The following KANK1 variants were observed in gnomAD, a reference collection of about 807,000 sequenced individuals.
KANK1 encodes KN motif and ankyrin repeat domains 1.
In KANK1, 109 loss-of-function variants were observed where a neutral mutation model predicts 106.2. The ratio of observed to expected loss-of-function variants is 1.03; its 90% CI spans 0.88 to 1.20. The LOEUF (loss-of-function observed/expected upper bound fraction) is 1.20. Ranked by LOEUF, KANK1 falls within the 50% of genes most tolerant of loss-of-function variation. KANK1 has a pLI of 0.00. For missense variants in KANK1, 2,399 were observed against 1,710.7 expected (o/e 1.40, Z -7.10); for synonymous variants, 873 against 652.2 (o/e 1.34, Z -5.16).
chr9:564,138 C>G (rs972231933), intron 1 of KANK1, among the ~76,000 whole-genome samples: 1 of 151,570 alleles, frequency 6.6e-6, no homozygotes, highest in African/African-American at 2.4e-5. Context: ...CGGCTCACTG[C>G]AAGCTCCGCC....
At chr9:661,366 C>T (rs537501806) in intron 1 of KANK1, among the ~76,000 whole-genome samples, 2 of 151,896 alleles carry the variant, frequency 1.3e-5, no homozygotes, top group East Asian at 1.9e-4. Context: ...TGAGTGAGAA[C>T]ATGCAGTGTC....
chr9:723,088 T>C (rs1829778739), intron 3 of KANK1, among the ~76,000 whole-genome samples: 1 of 152,106 alleles, frequency 6.6e-6, no homozygotes, highest in Non-Finnish European at 1.5e-5. Context: ...TCCAGACCTG[T>C]AGGATGATCT....
At chr9:492,703 T>A (rs1259994601) in intron 3 of KANK1, among the ~76,000 whole-genome samples, 1 of 152,120 alleles carries the variant, frequency 6.6e-6, no homozygotes, top group African/African-American at 2.4e-5. Flanking sequence ...AACCAAAACA[T>A]GCTTTTGAGA....
intron 1 of KANK1, among the ~76,000 whole-genome samples, chr9:624,350 A>G (rs1026251666): frequency 2.6e-5 from 4 of 152,184 alleles, no homozygotes; most frequent in Non-Finnish European, 5.9e-5. Flanking sequence ...ACTATGTGTG[A>G]TGACAGATGT....
At position 711,775 on chromosome 9, in the gene KANK1, C is replaced by G; in HGVS notation, c.1009C>G (p.Arg337Gly). 6.2e-7 allele frequency: 1 copy of G among 1,614,184 alleles called. No homozygotes were observed. Among genetic ancestry groups the G allele is most frequent in the Non-Finnish European group, 8.5e-7 (1 of 1,180,026 alleles). Residue 337 changes from arginine (R) to glycine (G), a missense_variant, in exon 3 of 12, where the codon CGG becomes GGG. Physicochemically the swap from Arg to Gly is moderately radical, Grantham distance 125. Coordinates refer to ENST00000382297, the MANE Select transcript of KANK1 (RefSeq NM_015158.5). ...CGCCTCCCAGCTGGAACAGCTCTCC[C>G]GGGCCCGAAGAAGTGGCGGGGAATT... ...GNASQLEQLS[R>G]ARRSGGELYI...
At position 742,273 on chromosome 9, in the gene KANK1, C is replaced by G; in HGVS notation, c.3765C>G (p.Ala1255=). 1 of 1,614,212 alleles carries G rather than the reference C, an allele frequency of 6.2e-7. No individual in the cohort carries two copies. The highest frequency in any genetic ancestry group is 1.3e-5 in the African/African-American group (1 of 75,060). Residue 1255 remains alanine, a synonymous_variant, in exon 10 of 12, where the codon GCC becomes GCG. Transcript: ENST00000382297. ...TAGACATGGTGAAGGGCCTTCTGGC[C>G]TGTGGGGCTGATGTCAACATCCAGG... ...GRIDMVKGLL[A]CGADVNIQDD... is the part of the protein sequence containing the mutation.
chr9:710,061 G>A (rs1417597073), intron 2 of KANK1, among the ~76,000 whole-genome samples: 1 of 152,138 alleles, frequency 6.6e-6, no homozygotes, highest in Admixed American at 6.5e-5. Context: ...ACAAAAGTGG[G>A]GAAAGAGGGG....
chr9:715,219 A>G (rs1223511311), intron 3 of KANK1, among the ~76,000 whole-genome samples: 2 of 152,200 alleles, frequency 1.3e-5, no homozygotes, highest in Admixed American at 1.3e-4. Flanking sequence ...ATAAACATAC[A>G]GGGAAGTCAT....
intron 1 of KANK1, among the ~76,000 whole-genome samples, chr9:580,968 G>T (rs1163275662): frequency 6.6e-6 from 1 of 152,326 alleles, no homozygotes; most frequent in East Asian, 1.9e-4. Context: ...CTGGCAGGCT[G>T]ACACTGCTAG....
intron 2 of KANK1, chr9:707,166 C>A: frequency 1.0e-6 from 1 of 985,610 alleles, no homozygotes; most frequent in Non-Finnish European, 1.2e-6. Context: ...GGATCGAGGG[C>A]GCCCGAGGCC....
At chr9:710,372 C>T (rs1825606408) in intron 2 of KANK1, among the ~76,000 whole-genome samples, 1 of 152,056 alleles carries the variant, frequency 6.6e-6, no homozygotes, top group Non-Finnish European at 1.5e-5. Context: ...AATCCCAGCA[C>T]TTTGGGAGGC....
At chr9:705,600 G>T (rs558763758) in intron 2 of KANK1, among the ~76,000 whole-genome samples, 32 of 151,344 alleles carry the variant, frequency 2.1e-4, no homozygotes, top group South Asian at 1.5e-3. Context: ...TATTTTTTTT[G>T]GGGGGGTGGG....
chr9:581,676 C>T (rs574009176), intron 1 of KANK1, among the ~76,000 whole-genome samples: 24 of 152,238 alleles, frequency 1.6e-4, no homozygotes, highest in African/African-American at 4.8e-4. Context: ...AGATTCACCT[C>T]GATTATTCTT....
chr9:618,928 A>G (rs1012541204), intron 1 of KANK1, among the ~76,000 whole-genome samples: 6 of 152,338 alleles, frequency 3.9e-5, no homozygotes, highest in South Asian at 4.1e-4. Context: ...AAGAAGAAAA[A>G]TAGAAAATTA....
chr9:481,374 G>C lies in KANK1; in HGVS notation c.-362+8101G>C, dbSNP rs55683628. 6.4e-3 allele frequency among the ~76,000 whole-genome samples: 971 copies of C among 152,252 alleles called. 14 individuals carry two copies. Among genetic ancestry groups the C allele is most frequent in the African/African-American group, 0.022 (926 of 41,562 alleles). On this transcript the variant is annotated intron_variant, in intron 3 of 15. Coordinates refer to the KANK1 transcript ENST00000382303. The stretch of plus-strand genomic sequence containing the variant: ...GAAGGACGTGGCCTATGGATCAAGA[G>C]GATATTTGCCGCTCCTGGACTAGCA...
intron 1 of KANK1, among the ~76,000 whole-genome samples, chr9:670,796 C>G (rs911932903): frequency 6.6e-6 from 1 of 151,998 alleles, no homozygotes; most frequent in Non-Finnish European, 1.5e-5. Context: ...GCCAAAGAAG[C>G]CAAGATGGTA....
intron 1 of KANK1, among the ~76,000 whole-genome samples, chr9:668,905 G>T (rs976000964): frequency 1.3e-5 from 2 of 151,938 alleles, no homozygotes; most frequent in African/African-American, 4.8e-5. Flanking sequence ...TTCACAATAG[G>T]GTTTGCACTC....
intron 1 of KANK1, among the ~76,000 whole-genome samples, chr9:666,234 A>G (rs1844539898): frequency 1.3e-5 from 2 of 151,830 alleles, no homozygotes; most frequent in South Asian, 4.2e-4. Flanking sequence ...AGATACAATA[A>G]ATTAGATTAC....
intron 1 of KANK1, among the ~76,000 whole-genome samples, chr9:594,624 T>C (rs1825780345): frequency 1.3e-5 from 2 of 151,918 alleles, no homozygotes; most frequent in Admixed American, 1.3e-4. Context: ...TAAAATGTCT[T>C]AAGATACAAT....
Sources: allele counts gnomAD v4.1 joint callset (sites outside exome capture counted in the v4.1 genomes callset), GRCh38; gene constraint gnomAD v4.1.1; transcripts MANE v1.5; gene names NCBI Gene and HGNC (gene_info 2026-07-23, HGNC 2026-07-21).